Variants in RTTN observed in about 807,000 individuals in gnomAD.
The protein encoded by RTTN is rotatin.
RTTN carries 182 observed loss-of-function variants against 269.2 expected under a neutral mutation model. That is an observed-to-expected ratio of 0.68 (90% confidence interval 0.60 to 0.76). RTTN has a LOEUF of 0.76. RTTN is among the 30% of genes least tolerant of loss of function. The pLI, the probability that RTTN is intolerant of heterozygous loss-of-function variation, is 0.00. For synonymous variants in RTTN, 1,006 were observed against 963.5 expected, an observed-to-expected ratio of 1.04 and a Z score of -0.82; for missense variants, 2,545 against 2,608.6, an observed-to-expected ratio of 0.98 and a Z score of 0.53.
Position 70,173,456 on chromosome 18 carries a change from G to A in RTTN, c.1476+3219C>T, listed in dbSNP as rs186646460. The stretch of plus-strand genomic sequence containing the variant: ...TGCAGTGAGCGGAGATCACGCCACT[G>A]AACTCCAGCCTGGTGACAGAGCAAG... On this transcript the variant is annotated intron_variant, in intron 11 of 48. Transcript: ENST00000640769. 7.0e-3 allele frequency among the ~76,000 whole-genome samples: 874 copies of A among 124,768 alleles called. 3 individuals are homozygous for A. Among genetic ancestry groups the A allele is most frequent in the Admixed American group, 8.9e-3 (88 of 9,844 alleles). The allele number at this position is 124,768 out of a possible 152,430, so 81.9% of individuals were successfully genotyped here.
chr18:70,099,500 A>G (rs560472082), intron 28 of RTTN, among the ~76,000 whole-genome samples: 27 of 152,258 alleles, frequency 1.8e-4, no homozygotes, highest in African/African-American at 6.3e-4. Context: ...AGATGCGTAG[A>G]TTGCAAAAAT....
chr18:70,203,409 T>C (rs1336658249), intron 3 of RTTN, among the ~76,000 whole-genome samples: 2 of 152,178 alleles, frequency 1.3e-5, no homozygotes, highest in Admixed American at 6.5e-5. Context: ...GGCACCATGT[T>C]GGTCAGGCTG....
intron 28 of RTTN, among the ~76,000 whole-genome samples, chr18:70,093,369 T>C (rs1436667671): frequency 6.6e-6 from 1 of 152,170 alleles, no homozygotes; most frequent in Non-Finnish European, 1.5e-5. Context: ...AGTTTATGAA[T>C]AATTTGTGCT....
At chr18:70,135,155 T>C in intron 22 of RTTN, 29 bp downstream of exon 22, 1 of 1,273,570 alleles carries the variant, frequency 7.9e-7, no homozygotes, top group Non-Finnish European at 1.1e-6. Flanking sequence ...TAGTTAAGAG[T>C]AAAAAACTTA....
In RTTN at chr18:70,188,086, C is replaced by T. The variant is rs1276457873; in HGVS notation, c.1305+22G>A. 4 of 1,375,250 alleles carry T rather than the reference C, an allele frequency of 2.9e-6. No individual in the cohort carries two copies. The African/African-American group carries it at 5.7e-5, about 20-fold the overall frequency. The allele number at this position is 1,375,250 out of a possible 1,614,324, so 85.2% of individuals were successfully genotyped here. On this transcript the variant is annotated intron_variant, in intron 10 of 48. Coordinates refer to ENST00000640769, the MANE Select transcript of RTTN (RefSeq NM_173630.4). ...TTAAAAAATACTATTCCCTATATCCCAAAGAAAACATTGATTCTTACCATA... is the reference window on the plus strand; with the variant it reads ...TTAAAAAATACTATTCCCTATATCCTAAAGAAAACATTGATTCTTACCATA...
chr18:70,136,014 C>T (rs963859084), intron 21 of RTTN, among the ~76,000 whole-genome samples: 2 of 152,062 alleles, frequency 1.3e-5, no homozygotes, highest in African/African-American at 4.8e-5. Context: ...ACACAGTTAG[C>T]AAATTCAGGG....
At chr18:70,141,579 C>G (rs1343994610) in intron 19 of RTTN, among the ~76,000 whole-genome samples, 1 of 152,012 alleles carries the variant, frequency 6.6e-6, no homozygotes, top group African/African-American at 2.4e-5. Flanking sequence ...ACAATGAGAT[C>G]ACTTGGACAC....
intron 28 of RTTN, among the ~76,000 whole-genome samples, chr18:70,104,529 G>A (rs995122793): frequency 4.6e-5 from 7 of 152,162 alleles, no homozygotes; most frequent in African/African-American, 7.2e-5. Flanking sequence ...GCTTTGTTCC[G>A]TTGCTGACAA....
rs2060218482 is a variant in RTTN at position 70,140,080 on chromosome 18, T to C, written c.2670+20A>G. 2.0e-6 allele frequency: 3 copies of C among 1,468,166 alleles called. No homozygotes were observed. Among genetic ancestry groups the C allele is most frequent in the Admixed American group, 1.7e-5 (1 of 59,134 alleles). 90.9% of individuals were successfully genotyped at this position (1,468,166 alleles called of 1,614,324 possible). The stretch of plus-strand genomic sequence containing the variant: ...TCAAAACAGCCTGTAAAACAATGTC[T>C]AGATGCACATTAGCCTTACCTTGCC... On this transcript the variant is annotated intron_variant, in intron 20 of 48. Transcript: ENST00000640769.
At chr18:70,052,744 CTT>C (rs1180439636) in intron 38 of RTTN, among the ~76,000 whole-genome samples, 2 of 150,660 alleles carry the variant, frequency 1.3e-5, no homozygotes, top group Non-Finnish European at 1.5e-5. Flanking sequence ...TCATTTAAAA[CTT>C]ATTTTTTTCA....
intron 28 of RTTN, 39 bp from the exon 29 acceptor site, chr18:70,092,843 T>C: frequency 6.4e-7 from 1 of 1,569,416 alleles, no homozygotes; most frequent in Non-Finnish European, 8.7e-7. Flanking sequence ...GTGGCTTTAT[T>C]CTCAATGGTA....
intron 40 of RTTN, among the ~76,000 whole-genome samples, chr18:70,035,296 TACTTG>T (rs2057137753): frequency 6.6e-6 from 1 of 152,246 alleles, no homozygotes; most frequent in African/African-American, 2.4e-5. Flanking sequence ...GGCATCAAGC[TACTTG>T]ACTTCAAACT....
intron 12 of RTTN, 46 bp from the exon 13 acceptor site, chr18:70,167,077 A>G (rs745341318): frequency 1.6e-6 from 2 of 1,260,070 alleles, no homozygotes; most frequent in Non-Finnish European, 2.3e-6. Context: ...GTTCATGTGC[A>G]ATGATATTCT....
intron 21 of RTTN, 51 bp from the exon 22 acceptor site, chr18:70,135,331 A>C (rs778706453): frequency 1.9e-6 from 2 of 1,061,468 alleles, no homozygotes; most frequent in Non-Finnish European, 2.8e-6. Flanking sequence ...TCTAGAAAGA[A>C]TGAACTTCAA....
At chr18:70,064,643 AGAAG>A (rs1395835151) in intron 35 of RTTN, among the ~76,000 whole-genome samples, 3 of 152,184 alleles carry the variant, frequency 2.0e-5, no homozygotes, top group Admixed American at 2.0e-4. Flanking sequence ...AAATCTATAA[AGAAG>A]GAAAGTAGAT....
At chr18:70,006,525 C>G in intron 46 of RTTN, 41 bp from the exon 47 acceptor site, 1 of 1,420,434 alleles carries the variant, frequency 7.0e-7, no homozygotes, top group Non-Finnish European at 1.0e-6. Flanking sequence ...CAGTCCCAGA[C>G]ACTGCATTGT....
intron 46 of RTTN, among the ~76,000 whole-genome samples, chr18:70,010,510 GC>G (rs2056337825): frequency 6.6e-6 from 1 of 152,120 alleles, no homozygotes; most frequent in Non-Finnish European, 1.5e-5. Context: ...CACAATTAAG[GC>G]AGAAATAAAT....
intron 14 of RTTN, among the ~76,000 whole-genome samples, chr18:70,155,415 C>G (rs1334944224): frequency 1.3e-5 from 2 of 152,206 alleles, no homozygotes; most frequent in Non-Finnish European, 2.9e-5. Flanking sequence ...ATACCATAAT[C>G]TAAACAAGAT....
At chr18:70,137,731 A>T (rs374703907) in intron 21 of RTTN, among the ~76,000 whole-genome samples, 7 of 152,146 alleles carry the variant, frequency 4.6e-5, no homozygotes, top group Non-Finnish European at 8.8e-5. Flanking sequence ...TTCCCTAGAA[A>T]CAATCTCTGA....
Sources: gnomAD v4.1 joint callset for allele counts (sites outside exome capture counted in the v4.1 genomes callset) on GRCh38, gnomAD v4.1.1 for gene constraint, MANE v1.5 for transcripts, NCBI Gene and HGNC (gene_info 2026-07-23, HGNC 2026-07-21) for gene names.